PEX11B: variants seen among roughly 807,000 people sequenced by gnomAD.
PEX11B encodes peroxisomal membrane protein 11B.
PEX11B carries 18 observed loss-of-function variants against 28.2 expected under a neutral mutation model. That is an observed-to-expected ratio of 0.64 (90% confidence interval 0.44 to 0.95). The LOEUF (loss-of-function observed/expected upper bound fraction) is 0.95. Among genes scored for constraint, PEX11B ranks in the 40% least tolerant of loss-of-function variants. The probability of loss-of-function intolerance (pLI) is 0.00; values close to 1 mark genes in which losing one functional copy is unlikely to be tolerated. For synonymous variants in PEX11B, 128 were observed against 128.7 expected, an observed-to-expected ratio of 0.99 and a Z score of 0.04; for missense variants, 305 against 319.8, an observed-to-expected ratio of 0.95 and a Z score of 0.35.
At position 145,911,610 on chromosome 1, in the gene PEX11B, A is replaced by G. The variant is rs1200711609; in HGVS notation, c.*551T>C. The G allele has an allele frequency of 1.2e-5, 2 of 169,680 alleles. No individual in the cohort carries two copies. The highest frequency in any genetic ancestry group is 2.6e-5 in the Non-Finnish European group (2 of 77,154). The allele number at this position is 169,680 out of a possible 1,614,324, so 10.5% of individuals were successfully genotyped here. A position where few individuals can be genotyped will look rare whatever the true frequency, so the allele number is the denominator to read the frequency against. On this transcript the variant is annotated 3_prime_UTR_variant, in exon 4 of 4. Transcript: ENST00000369306. The stretch of plus-strand genomic sequence containing the variant: ...GATGAGCGAGGTTGGTGAGGTAGAC[A>G]TAAGGGAGGAAGAGGAAACATCCAA...
chr1:145,918,126 G>C, intron 1 of PEX11B: 4 of 985,460 alleles, frequency 4.1e-6, no homozygotes, highest in Non-Finnish European at 4.8e-6. Flanking sequence ...GAGCATGTAC[G>C]TGATCGATGA....
Position 145,917,989 on chromosome 1 carries a change from G to A in PEX11B, c.57-173C>T, listed in dbSNP as rs782288651. ...AGGCCAGAGGAAGGGAAAGGCATAA[G>A]GAGAAAAAAGAGTCTAGAAAGGGGT... On this transcript the variant is annotated intron_variant, in intron 1 of 3. Coordinates refer to ENST00000369306, the MANE Select transcript of PEX11B (RefSeq NM_003846.3). 9.2e-6 allele frequency: 9 copies of A among 982,450 alleles called. No homozygotes were observed. The Admixed American group carries it at 2.5e-4, about 27-fold the overall frequency. 60.9% of individuals were successfully genotyped at this position (982,450 alleles called of 1,614,324 possible).
intron 3 of PEX11B, among the ~76,000 whole-genome samples, chr1:145,913,922 G>A (rs1240957043): frequency 6.6e-6 from 1 of 151,952 alleles, no homozygotes; most frequent in Non-Finnish European, 1.5e-5. Flanking sequence ...CTATCACACC[G>A]CACTGCCATA....
chr1:145,918,510 G>A lies in PEX11B; in HGVS notation c.56+123C>T, dbSNP rs587632884. 21 of 1,538,902 alleles carry A rather than the reference G, an allele frequency of 1.4e-5. No individual in the cohort carries two copies. The South Asian group carries it at 2.0e-4, about 15-fold the overall frequency. ...CAAATCTGCGCCTCACGGTCCGTTC[G>A]GGCCCCCGTAGCCGGAGTTGACCCT... On this transcript the variant is annotated intron_variant, in intron 1 of 3. Coordinates refer to ENST00000369306, the MANE Select transcript of PEX11B (RefSeq NM_003846.3).
At position 145,912,178 on chromosome 1, in the gene PEX11B, G is replaced by T; in HGVS notation, c.763C>A (p.Leu255Ile). The change falls in exon 4 of 4, where the codon CTA (leucine) becomes ATA (isoleucine). Residue 255 changes from leucine (L) to isoleucine (I), a missense_variant. Transcript: ENST00000369306. Reference sequence around the variant, plus strand: ...CCGGAAGGTCAGGGCTTGAGTCGTAGCCAGGGATAGATTAGGGTGAGAATA... The same window carrying T: ...CCGGAAGGTCAGGGCTTGAGTCGTATCCAGGGATAGATTAGGGTGAGAATA... ...LSILTLIYPWLRLKP is the reference protein window; with the variant it reads ...LSILTLIYPWIRLKP The T allele has an allele frequency of 6.2e-7, 1 of 1,607,492 alleles. No homozygotes were observed. Among genetic ancestry groups the T allele is most frequent in the East Asian group, 2.2e-5 (1 of 44,718 alleles).
chr1:145,917,636 CA>C (rs1216839142), intron 2 of PEX11B, 64 bp downstream of exon 2: 1 of 914,212 alleles, frequency 1.1e-6, no homozygotes, highest in Non-Finnish European at 1.8e-6. Flanking sequence ...GAAGGAGGGA[CA>C]AAGGAAGGTG....
intron 3 of PEX11B, among the ~76,000 whole-genome samples, chr1:145,915,614 A>ATTTTC (rs1198825710): frequency 1.1e-4 from 15 of 137,068 alleles, no homozygotes; most frequent in African/African-American, 2.7e-4. Context: ...ACTGCAATCC[A>ATTTTC]TTTTCTTTTC....
Position 145,917,028 on chromosome 1 carries a change from A to T in PEX11B, c.173-10T>A. 6.3e-7 allele frequency: 1 copy of T among 1,586,822 alleles called. No individual in the cohort carries two copies. The highest frequency in any genetic ancestry group is 8.7e-7 in the Non-Finnish European group (1 of 1,155,170). ...TTACCCAGGCGTAGAACTTGTGGAG[A>T]TTAGAAAGGGAAAGCAAGGATTTGT... On this transcript the variant is annotated splice_polypyrimidine_tract_variant and intron_variant, in intron 2 of 3. Transcript: ENST00000369306.
At chr1:145,917,880 C>T (rs1647496062) in intron 1 of PEX11B, 64 bp from the exon 2 acceptor site, 4 of 1,454,884 alleles carry the variant, frequency 2.7e-6, no homozygotes, top group Non-Finnish European at 2.9e-6. Flanking sequence ...AAACTATCTT[C>T]CAAAAGGCAC....
chr1:145,916,772 T>C, intron 3 of PEX11B, 45 bp downstream of exon 3: 1 of 1,323,532 alleles, frequency 7.6e-7, no homozygotes, highest in Non-Finnish European at 1.1e-6. Context: ...CTATGCAATA[T>C]AGAGGCTACA....
intron 1 of PEX11B, 37 bp downstream of exon 1, chr1:145,918,596 C>CGA: frequency 6.4e-7 from 1 of 1,561,250 alleles, no homozygotes; most frequent in Non-Finnish European, 8.7e-7. Flanking sequence ...CTGTCCATCC[C>CGA]TCCCCCGCCC....
chr1:145,915,614 A>G (rs1553753792), intron 3 of PEX11B, among the ~76,000 whole-genome samples: 2 of 137,068 alleles, frequency 1.5e-5, no homozygotes, highest in African/African-American at 5.4e-5. Context: ...ACTGCAATCC[A>G]TTTTCTTTTC....
chr1:145,914,459 C>T (rs781952275), intron 3 of PEX11B, among the ~76,000 whole-genome samples: 3 of 152,080 alleles, frequency 2.0e-5, no homozygotes, highest in Non-Finnish European at 4.4e-5. Context: ...AATATAAATA[C>T]CTTAGAGAGG....
At position 145,911,409 on chromosome 1, in the gene PEX11B, A is replaced by G. The variant is rs1009004784; in HGVS notation, c.*752T>C. On this transcript the variant is annotated 3_prime_UTR_variant, in exon 4 of 4. Coordinates refer to ENST00000369306, the MANE Select transcript of PEX11B (RefSeq NM_003846.3). ...GAAAGGCTTGCTCTTCATTATTGGC[A>G]TAGGCCACAGCTATTTACACAGAAT... 2.0e-5 allele frequency: 3 copies of G among 152,524 alleles called. No homozygotes were observed. The highest frequency in any genetic ancestry group is 4.4e-5 in the Non-Finnish European group (3 of 68,108). 9.4% of individuals were successfully genotyped at this position (152,524 alleles called of 1,614,324 possible).
At chr1:145,913,627 A>T (rs868934731) in intron 3 of PEX11B, among the ~76,000 whole-genome samples, 13 of 140,682 alleles carry the variant, frequency 9.2e-5, no homozygotes, top group Admixed American at 2.8e-4. Flanking sequence ...ACACACACAC[A>T]CTCTCCATCT....
chr1:145,918,553 C>G, intron 1 of PEX11B, 80 bp downstream of exon 1: 2 of 1,550,620 alleles, frequency 1.3e-6, no homozygotes, highest in South Asian at 1.2e-5. Context: ...CCCCCTGTAG[C>G]CTAAACTGAC....
intron 3 of PEX11B, among the ~76,000 whole-genome samples, chr1:145,912,992 G>A (rs1315070672): frequency 6.6e-6 from 1 of 151,436 alleles, no homozygotes; most frequent in Non-Finnish European, 1.5e-5. Context: ...GGAGGCTGAG[G>A]CATGAGAATT....
Position 145,918,629 on chromosome 1 carries a change from G to A in PEX11B, c.56+4C>T, listed in dbSNP as rs1008951820. The A allele has an allele frequency of 2.4e-6, 3 of 1,266,658 alleles. No homozygotes were observed. Among genetic ancestry groups the A allele is most frequent in the Admixed American group, 2.1e-5 (1 of 46,664 alleles). 78.5% of individuals were successfully genotyped at this position (1,266,658 alleles called of 1,614,324 possible). A position where few individuals can be genotyped will look rare whatever the true frequency, so the allele number is the denominator to read the frequency against. On this transcript the variant is annotated splice_donor_region_variant and intron_variant, in intron 1 of 3. Transcript: ENST00000369306. ...CCCCACCCCCATTCCTATTCGGGCC[G>A]CACCTACACAGCCGCTCCCGGGCTT...
chr1:145,911,651 A>G lies in PEX11B; in HGVS notation c.*510T>C. 3 of 163,824 alleles carry G rather than the reference A, an allele frequency of 1.8e-5. No individual in the cohort carries two copies. In the South Asian group the frequency reaches 5.3e-4, roughly 29 times the overall value. The allele number at this position is 163,824 out of a possible 1,614,324, so 10.1% of individuals were successfully genotyped here. A position where few individuals can be genotyped will look rare whatever the true frequency, so the allele number is the denominator to read the frequency against. ...AAACATCCAACAACTTGTGGTGCAGAGATATAAGGGAAGAGTCCACTGGCA... is the reference window on the plus strand; with the variant it reads ...AAACATCCAACAACTTGTGGTGCAGGGATATAAGGGAAGAGTCCACTGGCA... On this transcript the variant is annotated 3_prime_UTR_variant, in exon 4 of 4. Transcript: ENST00000369306.
Sources: allele counts gnomAD v4.1 joint callset (sites outside exome capture counted in the v4.1 genomes callset), GRCh38; gene constraint gnomAD v4.1.1; transcripts MANE v1.5; gene names NCBI Gene and HGNC (gene_info 2026-07-23, HGNC 2026-07-21).